The following TANC2 variants were observed in gnomAD, a reference collection of about 807,000 sequenced individuals.
TANC2 encodes protein TANC2.
A neutral mutation model predicts 210.5 loss-of-function variants in TANC2; 26 were observed. The ratio of observed to expected loss-of-function variants is 0.12; its 90% CI spans 0.09 to 0.17. The LOEUF (loss-of-function observed/expected upper bound fraction) is 0.17. TANC2 is among the 10% of genes least tolerant of loss of function. TANC2 has a pLI of 1.00. For missense variants in TANC2, 2,129 were observed against 2,608.9 expected (o/e 0.82, Z 4.01); for synonymous variants, 931 against 967.1 (o/e 0.96, Z 0.69).
Position 63,420,749 on chromosome 17 carries a change from C to T in TANC2, c.5019C>T (p.Tyr1673=). 6.2e-7 allele frequency: 1 copy of T among 1,614,032 alleles called. No individual in the cohort carries two copies. Among genetic ancestry groups the T allele is most frequent in the Non-Finnish European group, 8.5e-7 (1 of 1,179,898 alleles). ...TATCCAAAATGGCCCAGCGGCCCTA[C>T]CAGATGCCTCAGCTCCCTGTGGCAG... The change falls in exon 28 of 28, where the codon TAC becomes TAT. Residue 1673 remains tyrosine (Y), a synonymous_variant. Transcript: ENST00000689528. The surrounding 1 kb of genome is among the most constrained non-coding windows in gnomAD (Gnocchi z 4.2).
At chr17:63,181,705 A>G (rs1475986357) in intron 5 of TANC2, among the ~76,000 whole-genome samples, 1 of 152,208 alleles carries the variant, frequency 6.6e-6, no homozygotes, top group Non-Finnish European at 1.5e-5. Context: ...TGAACCTCCA[A>G]GGACCACATT....
intron 7 of TANC2, among the ~76,000 whole-genome samples, chr17:63,218,224 T>C (rs948244647): frequency 6.6e-6 from 1 of 151,190 alleles, no homozygotes; most frequent in Admixed American, 6.6e-5. Flanking sequence ...GCTGTGATCA[T>C]GCCACTGCAC....
Position 63,410,603 on chromosome 17 carries a change from A to G in TANC2, c.3590-908A>G, listed in dbSNP as rs35379064. On this transcript the variant is annotated intron_variant, in intron 21 of 27. Coordinates refer to ENST00000689528, the Ensembl canonical transcript of TANC2. ...CTTCTGCTCAGCTCAGAAAACATTC[A>G]CCGAACTCTGGTGCAGTGAGGGCCG... Among the ~76,000 whole-genome samples, 601 of 152,038 alleles carry G rather than the reference A, an allele frequency of 4.0e-3. 5 individuals are homozygous for G. Among genetic ancestry groups the G allele is most frequent in the African/African-American group, 0.012 (518 of 41,476 alleles).
chr17:63,016,372 C>T (rs1046971965), intron 2 of TANC2, among the ~76,000 whole-genome samples: 6 of 152,250 alleles, frequency 3.9e-5, no homozygotes, highest in Admixed American at 6.5e-5. Context: ...ATCAGCACTT[C>T]GAGACCAGCC....
chr17:63,106,947 T>C (rs542393197), intron 4 of TANC2, among the ~76,000 whole-genome samples: 1 of 151,556 alleles, frequency 6.6e-6, no homozygotes, highest in Non-Finnish European at 1.5e-5. Context: ...TTTTGAAATA[T>C]AGTAGCCTTG....
In TANC2 at chr17:63,355,394, A is replaced by C. The variant is rs1249476572; in HGVS notation, c.2582+4A>C. The C allele has an allele frequency of 6.4e-7, 1 of 1,562,274 alleles. No homozygotes were observed. Among genetic ancestry groups the C allele is most frequent in the African/African-American group, 1.4e-5 (1 of 73,742 alleles). On this transcript the variant is annotated splice_donor_region_variant and intron_variant, in intron 14 of 27. Coordinates refer to ENST00000689528, the Ensembl canonical transcript of TANC2. ...CCAAATTTCTCTGTGATCCGAGGTA[A>C]GACATATATCTGTGATAAACAATTC...
intron 5 of TANC2, among the ~76,000 whole-genome samples, chr17:63,160,293 G>A (rs367782123): frequency 7.3e-4 from 111 of 152,302 alleles, no homozygotes; most frequent in African/African-American, 2.6e-3. Flanking sequence ...TAATCCCATT[G>A]CTTTGGGAAG....
chr17:63,119,874 G>T (rs569813632), intron 4 of TANC2, among the ~76,000 whole-genome samples: 1 of 151,958 alleles, frequency 6.6e-6, no homozygotes, highest in African/African-American at 2.4e-5. Flanking sequence ...TAAAAAATTA[G>T]CCAGGCATGA....
chr17:63,265,576 T>C (rs2043500056), intron 8 of TANC2, among the ~76,000 whole-genome samples: 1 of 152,220 alleles, frequency 6.6e-6, no homozygotes, highest in Non-Finnish European at 1.5e-5. Context: ...ATGTTCAAAA[T>C]ATCCAGGAAA....
rs181012160 is a variant in TANC2 at position 63,118,828 on chromosome 17, G to A, written c.322+19471G>A. On this transcript the variant is annotated intron_variant, in intron 4 of 27. Transcript: ENST00000689528. ...AGAGTCTCGCTCTGTCGCCCAGGCT[G>A]GAGTGTAGTGGTGCGAACTCAGCTC... 1.4e-4 allele frequency among the ~76,000 whole-genome samples: 20 copies of A among 144,382 alleles called. No homozygotes were observed. The East Asian group carries it at 3.5e-3, about 25-fold the overall frequency. 94.7% of individuals were successfully genotyped at this position (144,382 alleles called of 152,430 possible).
At chr17:63,357,216 G>T (rs1435404143) in intron 14 of TANC2, among the ~76,000 whole-genome samples, 1 of 152,184 alleles carries the variant, frequency 6.6e-6, no homozygotes, top group Non-Finnish European at 1.5e-5. Context: ...TAGCTGATCT[G>T]GGACCTTAGA....
intron 21 of TANC2, among the ~76,000 whole-genome samples, chr17:63,406,937 T>A (rs1232643863): frequency 1.3e-5 from 2 of 152,198 alleles, no homozygotes; most frequent in East Asian, 3.8e-4. Flanking sequence ...CTAGTGGAGC[T>A]TGAGCATTTA....
chr17:62,987,491 G>GT (rs1258096848), intron 1 of TANC2, among the ~76,000 whole-genome samples: 2 of 152,200 alleles, frequency 1.3e-5, no homozygotes, highest in Middle Eastern at 3.2e-3. Flanking sequence ...TCTAACGGGG[G>GT]TCAGGGCTTG....
intron 14 of TANC2, among the ~76,000 whole-genome samples, chr17:63,366,343 T>TAAAG (rs1276516083): frequency 6.6e-6 from 1 of 152,216 alleles, no homozygotes; most frequent in African/African-American, 2.4e-5. Context: ...AGGTTAGTGT[T>TAAAG]TTTAACAGAC....
chr17:63,075,596 G>A (rs544923809), intron 3 of TANC2, among the ~76,000 whole-genome samples: 1 of 152,192 alleles, frequency 6.6e-6, no homozygotes, highest in East Asian at 1.9e-4. Context: ...GCAATGGCTT[G>A]ATCTTGGCTC....
intron 9 of TANC2, among the ~76,000 whole-genome samples, chr17:63,279,810 CT>C (rs1303504847): frequency 2.6e-5 from 4 of 152,034 alleles, no homozygotes; most frequent in Non-Finnish European, 4.4e-5. Context: ...TTTTATTCCC[CT>C]ATGTCTTATG....
intron 19 of TANC2, among the ~76,000 whole-genome samples, chr17:63,401,801 C>T (rs1224930111): frequency 6.6e-6 from 1 of 152,184 alleles, no homozygotes; most frequent in Non-Finnish European, 1.5e-5. Context: ...CTGAGAGCTT[C>T]TAGCAACTCT....
intron 8 of TANC2, among the ~76,000 whole-genome samples, chr17:63,239,879 G>A (rs1279013219): frequency 1.3e-5 from 2 of 152,096 alleles, no homozygotes; most frequent in East Asian, 3.9e-4. Flanking sequence ...AAAGGCACAG[G>A]GGGAACAAGC....
chr17:63,241,698 G>T (rs982548373), intron 8 of TANC2, among the ~76,000 whole-genome samples: 9 of 152,166 alleles, frequency 5.9e-5, no homozygotes, highest in Non-Finnish European at 1.3e-4. Flanking sequence ...CCTCGGCGAT[G>T]CATCTCGGCT....
Sources: allele counts gnomAD v4.1 joint callset (sites outside exome capture counted in the v4.1 genomes callset), GRCh38; gene constraint gnomAD v4.1.1; non-coding constraint Gnocchi (gnomAD v3.1); transcripts MANE v1.5; gene names NCBI Gene and HGNC (gene_info 2026-07-23, HGNC 2026-07-21).